Variants in CCDC88C observed in about 807,000 individuals in gnomAD.
The protein encoded by CCDC88C is coiled-coil and HOOK domain protein 88C.
CCDC88C carries 131 observed loss-of-function variants against 198.8 expected under a neutral mutation model. The observed-to-expected ratio is 0.66, with a 90% CI of 0.57 to 0.76. The LOEUF (loss-of-function observed/expected upper bound fraction) is 0.76. Ranked by LOEUF, CCDC88C falls within the 30% of genes least tolerant of loss-of-function variation. The probability of loss-of-function intolerance (pLI) is 0.00; values close to 1 mark genes in which losing one functional copy is unlikely to be tolerated. For synonymous variants in CCDC88C, 1,166 were observed against 1,114.7 expected, an observed-to-expected ratio of 1.05 and a Z score of -0.92; for missense variants, 2,553 against 2,631.6, an observed-to-expected ratio of 0.97 and a Z score of 0.65.
rs45560241 is a variant in CCDC88C at position 91,272,732 on chromosome 14, G to A, written c.5980C>T (p.Arg1994Trp). The A allele has an allele frequency of 8.1e-6, 13 of 1,610,136 alleles. No homozygotes were observed. The highest frequency in any genetic ancestry group is 7.7e-5 in the South Asian group (7 of 90,974). Residue 1994 changes from arginine (R) to tryptophan (W), a missense_variant, in exon 30 of 30, where the codon CGG (arginine) becomes TGG (tryptophan). Physicochemically the swap from Arg to Trp is moderately radical, Grantham distance 101. Coordinates refer to ENST00000389857, the MANE Select transcript of CCDC88C (RefSeq NM_001080414.4). ...CCTCGACTGCAGTCCTCCAGGGCCC[G>A]GCCGAGGTGGGGAGCCAAATCGGGA... Reference protein sequence around the residue: ...RSPDLAPHLGRALEDCSRGSV... With the variant: ...RSPDLAPHLGWALEDCSRGSV...
chr14:91,385,794 C>T (rs545813508), intron 3 of CCDC88C, among the ~76,000 whole-genome samples: 66 of 144,990 alleles, frequency 4.6e-4, no homozygotes, highest in African/African-American at 1.6e-3. Context: ...CAAGACCCTG[C>T]CTCTTTAAAA....
At chr14:91,383,800 G>A (rs550497345) in intron 3 of CCDC88C, among the ~76,000 whole-genome samples, 12 of 152,280 alleles carry the variant, frequency 7.9e-5, no homozygotes, top group African/African-American at 1.9e-4. Context: ...CAATGAAGAG[G>A]ACCTAGCACT....
chr14:91,290,346 G>A (rs1299622259), intron 24 of CCDC88C, among the ~76,000 whole-genome samples: 1 of 152,240 alleles, frequency 6.6e-6, no homozygotes, highest in Non-Finnish European at 1.5e-5. Context: ...CGGAAATTCT[G>A]TGGTTCTGGA....
chr14:91,403,302 G>A (rs896133542), intron 3 of CCDC88C, among the ~76,000 whole-genome samples: 11 of 152,162 alleles, frequency 7.2e-5, no homozygotes, highest in African/African-American at 2.2e-4. Context: ...AAAGACATAC[G>A]TCTCCAACAA....
intron 21 of CCDC88C, among the ~76,000 whole-genome samples, chr14:91,298,329 G>T (rs1277101710): frequency 6.6e-6 from 1 of 151,792 alleles, no homozygotes; most frequent in Non-Finnish European, 1.5e-5. Flanking sequence ...AGCCGAGATC[G>T]CGCCACTGCA....
At chr14:91,416,957 C>A in intron 1 of CCDC88C, 119 bp from the exon 2 acceptor site, 1 of 706,706 alleles carries the variant, frequency 1.4e-6, no homozygotes, top group South Asian at 1.6e-5. Context: ...GTCACCCACG[C>A]CCACACCACC....
At chr14:91,372,939 G>A (rs1319541568) in intron 3 of CCDC88C, among the ~76,000 whole-genome samples, 3 of 152,172 alleles carry the variant, frequency 2.0e-5, no homozygotes, top group Non-Finnish European at 4.4e-5. Flanking sequence ...GTCAGGTTTT[G>A]CTGGGCACTG....
chr14:91,275,517 G>T (rs1226820074), intron 29 of CCDC88C, among the ~76,000 whole-genome samples: 5 of 149,098 alleles, frequency 3.4e-5, no homozygotes, highest in African/African-American at 1.2e-4. Context: ...TCACTGTGTT[G>T]CCCAGGCTGG....
In CCDC88C at chr14:91,379,770, C is replaced by T. The variant is rs1948446055; in HGVS notation, c.271-20059G>A. 7 of 698,518 alleles carry T rather than the reference C, an allele frequency of 1.0e-5. No homozygotes were observed. The South Asian group carries it at 1.0e-4, about 10-fold the overall frequency. The allele number at this position is 698,518 out of a possible 1,614,324, so 43.3% of individuals were successfully genotyped here. A position where few individuals can be genotyped will look rare whatever the true frequency, so the allele number is the denominator to read the frequency against. On this transcript the variant is annotated intron_variant, in intron 3 of 29. Transcript: ENST00000389857. ...GCAGCCACACCCCGTGCCCGGGCCT[C>T]CTGCGGGGGTGTCTTGTTCACTGTC...
chr14:91,333,287 G>A (rs1169106792), intron 10 of CCDC88C, among the ~76,000 whole-genome samples: 23 of 152,094 alleles, frequency 1.5e-4, no homozygotes, highest in Admixed American at 1.5e-3. Context: ...ATTTTAAACC[G>A]AGCCTTAAGG....
chr14:91,394,410 A>C (rs1384863822), intron 3 of CCDC88C, among the ~76,000 whole-genome samples: 3 of 152,204 alleles, frequency 2.0e-5, no homozygotes, highest in African/African-American at 7.2e-5. Context: ...GGAACAAGGC[A>C]GGCCCCATCC....
chr14:91,375,606 A>G (rs1432647013), intron 3 of CCDC88C, among the ~76,000 whole-genome samples: 1 of 152,058 alleles, frequency 6.6e-6, no homozygotes, highest in African/African-American at 2.4e-5. Flanking sequence ...GCTTCCCCGC[A>G]GGGCCGGCCG....
intron 5 of CCDC88C, 54 bp from the exon 6 acceptor site, chr14:91,342,517 G>C: frequency 8.8e-7 from 1 of 1,130,724 alleles, no homozygotes; most frequent in Non-Finnish European, 1.3e-6. Context: ...GGGTGAAGCT[G>C]AGTCCACCAC....
Position 91,338,435 on chromosome 14 carries a change from G to T in CCDC88C, c.891+54C>A. On this transcript the variant is annotated intron_variant, in intron 9 of 29. Coordinates refer to ENST00000389857, the MANE Select transcript of CCDC88C (RefSeq NM_001080414.4). The surrounding 1 kb of genome is among the most constrained non-coding windows in gnomAD (Gnocchi z 4.8). ...TCCTGACCCTCCAGGCCCCGTTACT[G>T]GACACTCCAGCCCTGCTACCCCCAG... 6.8e-7 allele frequency: 1 copy of T among 1,462,452 alleles called. No individual in the cohort carries two copies. The highest frequency in any genetic ancestry group is 9.4e-7 in the Non-Finnish European group (1 of 1,066,222). The allele number at this position is 1,462,452 out of a possible 1,614,324, so 90.6% of individuals were successfully genotyped here.
Position 91,272,334 on chromosome 14 carries a change from CAGTTT to C in CCDC88C, c.*286_*290del. 76 of 433,810 alleles carry C rather than the reference CAGTTT, an allele frequency of 1.8e-4. No individual in the cohort carries two copies. The highest frequency in any genetic ancestry group is 4.1e-4 in the South Asian group (15 of 36,378). 26.9% of individuals were successfully genotyped at this position (433,810 alleles called of 1,614,324 possible). ...GAGTAGTGTCTGCTTTGGGGGAAGT[CAGTTT>C]GTCATTGCATCCTAATTGGTCCCCA... is the stretch of plus-strand genomic sequence containing the variant. On this transcript the variant is annotated 3_prime_UTR_variant, in exon 30 of 30. Coordinates refer to ENST00000389857, the MANE Select transcript of CCDC88C (RefSeq NM_001080414.4).
Position 91,278,213 on chromosome 14 carries a change from T to C in CCDC88C, c.4769-2A>G, listed in dbSNP as rs766286493. The stretch of plus-strand genomic sequence containing the variant: ...GGCCATGGAGCTGCTCGGAGGAGCC[T>C]GGGTGTCAGGGCAGGAGACAGAGGA... On this transcript the variant is annotated splice_acceptor_variant, in intron 28 of 29. Transcript: ENST00000389857. LOFTEE classifies it high-confidence loss of function. The C allele has an allele frequency of 1.9e-6, 3 of 1,592,792 alleles. No individual in the cohort carries two copies. Among genetic ancestry groups the C allele is most frequent in the Non-Finnish European group, 2.6e-6 (3 of 1,166,376 alleles).
At chr14:91,394,419 C>A (rs1567119458) in intron 3 of CCDC88C, among the ~76,000 whole-genome samples, 1 of 152,208 alleles carries the variant, frequency 6.6e-6, no homozygotes, top group Non-Finnish European at 1.5e-5. Flanking sequence ...CAGGCCCCAT[C>A]CTCTAATTAT....
chr14:91,366,181 C>CACAT (rs1472201659), intron 3 of CCDC88C, among the ~76,000 whole-genome samples: 3 of 151,542 alleles, frequency 2.0e-5, no homozygotes, highest in Non-Finnish European at 4.4e-5. Context: ...CACACACACA[C>CACAT]ACACACACAC....
chr14:91,375,276 C>A lies in CCDC88C; in HGVS notation c.271-15565G>T, dbSNP rs547192929. ...GCGCGTGTCTGTGTGTGTGTGTGCG[C>A]GCGCGCATGTGGGAGAGAGAGAGAC... On this transcript the variant is annotated intron_variant, in intron 3 of 29. Transcript: ENST00000389857. 2.5e-3 allele frequency among the ~76,000 whole-genome samples: 380 copies of A among 152,132 alleles called. 3 individuals are homozygous for A. The highest frequency in any genetic ancestry group is 8.8e-3 in the African/African-American group (365 of 41,516).
Sources: gnomAD v4.1 joint callset for allele counts (sites outside exome capture counted in the v4.1 genomes callset) on GRCh38, gnomAD v4.1.1 for gene constraint, Gnocchi (gnomAD v3.1) non-coding constraint, MANE v1.5 for transcripts, NCBI Gene and HGNC (gene_info 2026-07-23, HGNC 2026-07-21) for gene names.